Variants in HNF4G observed in about 807,000 individuals in gnomAD.
HNF4G encodes hepatocyte nuclear factor 4-gamma.
Under a neutral mutation model 50.9 loss-of-function variants are expected in HNF4G, and 21 were observed. That is an observed-to-expected ratio of 0.41 (90% confidence interval 0.29 to 0.59). The LOEUF is 0.59. Among genes scored for constraint, HNF4G ranks in the 20% least tolerant of loss-of-function variants. HNF4G has a pLI of 0.26. For missense variants in HNF4G, 527 were observed against 559.4 expected (o/e 0.94, Z 0.58); for synonymous variants, 198 against 185.6 (o/e 1.07, Z -0.54).
chr8:75,470,636 C>T (rs1434555917), intron 1 of HNF4G, among the ~76,000 whole-genome samples: 4 of 151,862 alleles, frequency 2.6e-5, no homozygotes, highest in African/African-American at 9.7e-5. Flanking sequence ...AGAAGCATAA[C>T]TATAAGCCAG....
chr8:75,546,712 A>C (rs2977933), intron 2 of HNF4G, among the ~76,000 whole-genome samples: 14,257 of 152,186 alleles, frequency 0.094, 940 homozygotes, highest in African/African-American at 0.18. Context: ...ATTCTTATTT[A>C]CTGACAAATA....
At chr8:75,456,476 A>G (rs1256460952) in intron 1 of HNF4G, among the ~76,000 whole-genome samples, 1 of 152,028 alleles carries the variant, frequency 6.6e-6, no homozygotes, top group Non-Finnish European at 1.5e-5. Context: ...TTCCTGTGTT[A>G]TTGGATCACT....
At chr8:75,532,345 A>C (rs1585929055) in intron 2 of HNF4G, among the ~76,000 whole-genome samples, 1 of 152,134 alleles carries the variant, frequency 6.6e-6, no homozygotes, top group African/African-American at 2.4e-5. Flanking sequence ...CTAGAACATA[A>C]AAAATAATAA....
At chr8:75,436,051 A>G (rs1236503928) in intron 1 of HNF4G, among the ~76,000 whole-genome samples, 2 of 152,232 alleles carry the variant, frequency 1.3e-5, no homozygotes, top group Non-Finnish European at 2.9e-5. Context: ...ACTTTGAAAT[A>G]TTCTGTTATA....
intron 1 of HNF4G, among the ~76,000 whole-genome samples, chr8:75,425,786 C>T (rs1018257997): frequency 2.6e-5 from 4 of 151,734 alleles, no homozygotes. Context: ...AAATAATTTA[C>T]CAAATCTACT....
chr8:75,556,052 A>C lies in HNF4G; in HGVS notation c.716A>C (p.Lys239Thr). 6.4e-7 allele frequency: 1 copy of C among 1,556,968 alleles called. No homozygotes were observed. The highest frequency in any genetic ancestry group is 8.7e-7 in the Non-Finnish European group (1 of 1,152,632). The change falls in exon 6 of 10, where the codon AAA becomes ACA. Residue 239 changes from lysine (K) to threonine (T), a missense_variant. Transcript: ENST00000396423. ...GCTACAAAGAGATCCATGATGTATA[A>C]AGATATTTTGCTTTTGGGTAAGTTT... is the stretch of plus-strand genomic sequence containing the variant. ...LGATKRSMMY[K>T]DILLLGNNYV...
intron 2 of HNF4G, among the ~76,000 whole-genome samples, chr8:75,512,450 C>CTATTATTATTAT (rs67502734): frequency 9.5e-4 from 139 of 146,882 alleles, no homozygotes; most frequent in African/African-American, 3.2e-3. Flanking sequence ...ATTACTATTA[C>CTATTATTATTAT]TATTATTATT....
intron 1 of HNF4G, among the ~76,000 whole-genome samples, chr8:75,410,901 C>T (rs1159701389): frequency 1.3e-5 from 2 of 152,128 alleles, no homozygotes; most frequent in Middle Eastern, 3.2e-3. Flanking sequence ...TACTCTTATT[C>T]TTATGTTTTA....
chr8:75,544,039 A>G, intron 2 of HNF4G, 60 bp downstream of exon 2: 1 of 1,416,960 alleles, frequency 7.1e-7, no homozygotes. Context: ...TGGCACGCAA[A>G]AAGTAAGAGA....
At chr8:75,434,710 A>T (rs540684067) in intron 1 of HNF4G, among the ~76,000 whole-genome samples, 9 of 152,048 alleles carry the variant, frequency 5.9e-5, no homozygotes, top group Non-Finnish European at 1.3e-4. Flanking sequence ...ACACACATAC[A>T]CAAATCAGGT....
rs1055934711 is a variant in HNF4G, at chr8:75,422,697, G to A, written c.-144+14535G>A. On this transcript the variant is annotated intron_variant, in intron 1 of 10. Transcript: ENST00000354370. ...CACCCAGGCTGGAGTGCGGTGGTGCGATCTCGGCTCACTGCAAGCTCCGCC... is the reference window on the plus strand; with the variant it reads ...CACCCAGGCTGGAGTGCGGTGGTGCAATCTCGGCTCACTGCAAGCTCCGCC... Among the ~76,000 whole-genome samples, 25 of 151,050 alleles carry A rather than the reference G, an allele frequency of 1.7e-4. 1 individual carries two copies. Among genetic ancestry groups the A allele is most frequent in the South Asian group, 4.2e-4 (2 of 4,796 alleles).
At chr8:75,531,218 C>A (rs1315576876) in intron 2 of HNF4G, among the ~76,000 whole-genome samples, 4 of 151,910 alleles carry the variant, frequency 2.6e-5, no homozygotes, top group Non-Finnish European at 5.9e-5. Context: ...AAAAAACAAG[C>A]TATAAAAATG....
At chr8:75,503,568 G>A (rs1812987729) in intron 2 of HNF4G, among the ~76,000 whole-genome samples, 1 of 152,154 alleles carries the variant, frequency 6.6e-6, no homozygotes, top group African/African-American at 2.4e-5. Flanking sequence ...TGTTGTTTGT[G>A]TTCTGAATAA....
intron 2 of HNF4G, among the ~76,000 whole-genome samples, chr8:75,530,631 T>C (rs567046987): frequency 2.7e-4 from 41 of 152,186 alleles, no homozygotes; most frequent in African/African-American, 9.9e-4. Context: ...AGTTCAAAAA[T>C]TTAGAAGGAT....
intron 1 of HNF4G, among the ~76,000 whole-genome samples, chr8:75,453,233 G>A (rs1362468925): frequency 6.6e-6 from 1 of 152,194 alleles, no homozygotes; most frequent in Non-Finnish European, 1.5e-5. Flanking sequence ...TGGACTTCCT[G>A]GGTGGAGTGG....
chr8:75,546,270 T>A (rs1806774921), intron 2 of HNF4G, among the ~76,000 whole-genome samples: 1 of 152,174 alleles, frequency 6.6e-6, no homozygotes, highest in Non-Finnish European at 1.5e-5. Flanking sequence ...TCCTTCTCTT[T>A]ATTTTACAAT....
intron 1 of HNF4G, among the ~76,000 whole-genome samples, chr8:75,412,012 A>G (rs1341970414): frequency 6.6e-6 from 1 of 151,986 alleles, no homozygotes; most frequent in Non-Finnish European, 1.5e-5. Flanking sequence ...GCACTGCTTG[A>G]CTTGTTGTAA....
rs1204202653 is a variant in HNF4G, at chr8:75,547,599, A to C, written c.300A>C (p.Gln100His). ...CTTTATGTTATAGGTTCAGTCGGCA[A>C]TGTGTTGTTGACAAGGACAAAAGGA... ...SHVYSCRFSRQCVVDKDKRNQ... is the reference protein window; with the variant it reads ...SHVYSCRFSRHCVVDKDKRNQ... Residue 100 changes from glutamine (Q) to histidine (H), a missense_variant, in exon 3 of 10, where the codon CAA (glutamine) becomes CAC (histidine). Gln to His is a conservative substitution (Grantham distance 24). Transcript: ENST00000396423. 1.2e-6 allele frequency: 2 copies of C among 1,609,226 alleles called. No individual in the cohort carries two copies. The highest frequency in any genetic ancestry group is 4.5e-5 in the East Asian group (2 of 44,790).
chr8:75,483,854 T>C (rs1812438624), intron 1 of HNF4G, among the ~76,000 whole-genome samples: 1 of 152,178 alleles, frequency 6.6e-6, no homozygotes, highest in African/African-American at 2.4e-5. Context: ...TTCTTAGATA[T>C]ATTATCTCTG....
Sources: allele counts gnomAD v4.1 joint callset (sites outside exome capture counted in the v4.1 genomes callset), GRCh38; gene constraint gnomAD v4.1.1; transcripts MANE v1.5; gene names NCBI Gene and HGNC (gene_info 2026-07-23, HGNC 2026-07-21).